Variants in TPST1 observed in about 807,000 individuals in gnomAD.
TPST1 encodes protein-tyrosine sulfotransferase 1.
TPST1 carries 20 observed loss-of-function variants against 34.8 expected under a neutral mutation model. The ratio of observed to expected loss-of-function variants is 0.57; its 90% CI spans 0.40 to 0.84. TPST1 has a LOEUF of 0.84. TPST1 is among the 40% of genes least tolerant of loss of function. The pLI, the probability that TPST1 is intolerant of heterozygous loss-of-function variation, is 0.00. For missense variants in TPST1, 353 were observed against 455.5 expected (o/e 0.78, Z 2.05); for synonymous variants, 152 against 159.4 (o/e 0.95, Z 0.35).
At chr7:66,294,947 A>T (rs1367629382) in intron 3 of TPST1, among the ~76,000 whole-genome samples, 1 of 152,084 alleles carries the variant, frequency 6.6e-6, no homozygotes, top group Non-Finnish European at 1.5e-5. Context: ...AGCCACCTTA[A>T]ATTCTTTCTG....
intron 1 of TPST1, among the ~76,000 whole-genome samples, chr7:66,209,907 A>G (rs1469586255): frequency 6.6e-6 from 1 of 152,110 alleles, no homozygotes; most frequent in Non-Finnish European, 1.5e-5. Context: ...GGCTTCAGGT[A>G]ACCCTCTGCC....
chr7:66,333,358 G>A (rs1792033169), intron 3 of TPST1, among the ~76,000 whole-genome samples: 1 of 152,186 alleles, frequency 6.6e-6, no homozygotes, highest in South Asian at 2.1e-4. Context: ...TGTATATAGA[G>A]CTCACATTTG....
At chr7:66,320,729 G>A (rs535931668) in intron 3 of TPST1, among the ~76,000 whole-genome samples, 1 of 152,024 alleles carries the variant, frequency 6.6e-6, no homozygotes, top group East Asian at 1.9e-4. Context: ...CTCCCGAGTA[G>A]CTGGTATTAC....
At chr7:66,208,034 G>T (rs1460700154) in intron 1 of TPST1, among the ~76,000 whole-genome samples, 2 of 149,390 alleles carry the variant, frequency 1.3e-5, no homozygotes, top group African/African-American at 4.9e-5. Context: ...TGCTTTTTCT[G>T]AACCTCTGGG....
intron 3 of TPST1, among the ~76,000 whole-genome samples, chr7:66,348,087 A>G (rs1159871902): frequency 6.6e-6 from 1 of 152,160 alleles, no homozygotes; most frequent in Admixed American, 6.5e-5. Context: ...AACACCTTGG[A>G]GTCATTCTTG....
At chr7:66,240,005 C>A (rs1789993151) in intron 1 of TPST1, among the ~76,000 whole-genome samples, 1 of 152,090 alleles carries the variant, frequency 6.6e-6, no homozygotes, top group African/African-American at 2.4e-5. Flanking sequence ...CCTCAGCCTC[C>A]CGAGTAGCTG....
At chr7:66,223,411 T>C (rs1789584589) in intron 1 of TPST1, among the ~76,000 whole-genome samples, 1 of 140,350 alleles carries the variant, frequency 7.1e-6, no homozygotes, top group African/African-American at 2.7e-5. Flanking sequence ...TGCAGTGAGC[T>C]ATATGCCATT....
chr7:66,327,601 T>C (rs1163546398), intron 3 of TPST1, among the ~76,000 whole-genome samples: 1 of 151,830 alleles, frequency 6.6e-6, no homozygotes, highest in East Asian at 1.9e-4. Context: ...CAGGTGCCCA[T>C]AGTCCTAGCT....
intron 3 of TPST1, among the ~76,000 whole-genome samples, chr7:66,296,515 A>C (rs970316661): frequency 6.6e-6 from 1 of 152,046 alleles, no homozygotes; most frequent in Non-Finnish European, 1.5e-5. Flanking sequence ...GCAGTGCTTG[A>C]AAAGAGATTG....
chr7:66,277,424 G>A (rs1054367763), intron 2 of TPST1, among the ~76,000 whole-genome samples: 3 of 152,036 alleles, frequency 2.0e-5, no homozygotes, highest in African/African-American at 7.2e-5. Flanking sequence ...ATTCCATGAG[G>A]GGATTGTGGT....
intron 2 of TPST1, among the ~76,000 whole-genome samples, chr7:66,259,531 T>G (rs921384257): frequency 6.6e-6 from 1 of 152,134 alleles, no homozygotes; most frequent in African/African-American, 2.4e-5. Flanking sequence ...GGACTCCAAT[T>G]ACACATATAT....
chr7:66,353,880 C>T (rs1033929404), intron 4 of TPST1, among the ~76,000 whole-genome samples: 2 of 152,194 alleles, frequency 1.3e-5, no homozygotes, highest in Non-Finnish European at 2.9e-5. Context: ...ATGGGCTGCC[C>T]TCTCTGAGGG....
intron 3 of TPST1, among the ~76,000 whole-genome samples, chr7:66,318,936 G>A (rs1584235988): frequency 6.6e-6 from 1 of 152,168 alleles, no homozygotes; most frequent in East Asian, 1.9e-4. Flanking sequence ...CCCTAGTTTT[G>A]CAATTGAGAA....
chr7:66,331,337 G>A lies in TPST1; in HGVS notation c.1045-21168G>A, dbSNP rs1205165196. 2.6e-5 allele frequency among the ~76,000 whole-genome samples: 4 copies of A among 152,222 alleles called. No homozygotes were observed. In the East Asian group the frequency reaches 7.7e-4, roughly 29 times the overall value. ...ACTAGATCTGTCCCACACTTGAAGAGGGTTAAACAAGGTCATGTTCTTCAT... is the reference window on the plus strand; with the variant it reads ...ACTAGATCTGTCCCACACTTGAAGAAGGTTAAACAAGGTCATGTTCTTCAT... On this transcript the variant is annotated intron_variant, in intron 3 of 5. Coordinates refer to ENST00000304842, the MANE Select transcript of TPST1 (RefSeq NM_003596.4).
chr7:66,251,344 C>G (rs1162325720), intron 2 of TPST1, among the ~76,000 whole-genome samples: 2 of 152,118 alleles, frequency 1.3e-5, no homozygotes, highest in East Asian at 3.8e-4. Context: ...TTTAGAATAG[C>G]ACCTGGCACA....
intron 4 of TPST1, among the ~76,000 whole-genome samples, chr7:66,356,220 A>G (rs1189610461): frequency 1.3e-5 from 2 of 152,180 alleles, no homozygotes; most frequent in East Asian, 3.8e-4. Flanking sequence ...TAACAATGAC[A>G]GTTTTATAAA....
intron 1 of TPST1, among the ~76,000 whole-genome samples, chr7:66,235,225 GC>G (rs1211362093): frequency 3.0e-5 from 4 of 134,704 alleles, no homozygotes; most frequent in Non-Finnish European, 6.2e-5. Context: ...TTGCTCTGTC[GC>G]CCAGACTGGA....
chr7:66,259,511 C>T (rs1790444074), intron 2 of TPST1, among the ~76,000 whole-genome samples: 1 of 151,858 alleles, frequency 6.6e-6, no homozygotes, highest in Non-Finnish European at 1.5e-5. Context: ...CTTCTTTCTC[C>T]TTTCCTTCAG....
intron 3 of TPST1, among the ~76,000 whole-genome samples, chr7:66,297,712 A>G (rs1014878404): frequency 1.3e-5 from 2 of 152,256 alleles, no homozygotes; most frequent in African/African-American, 4.8e-5. Flanking sequence ...GACAGGGGTT[A>G]GATTAAATCC....
Sources: allele counts gnomAD v4.1 joint callset (sites outside exome capture counted in the v4.1 genomes callset), GRCh38; gene constraint gnomAD v4.1.1; transcripts MANE v1.5; gene names NCBI Gene and HGNC (gene_info 2026-07-23, HGNC 2026-07-21).